DMWD: variants seen among roughly 807,000 people sequenced by gnomAD.
DMWD encodes DM1 locus, WD repeat containing.
DMWD carries 19 observed loss-of-function variants against 45.8 expected under a neutral mutation model. That is an observed-to-expected ratio of 0.41 (90% CI 0.29 to 0.61). DMWD has a LOEUF of 0.61. Ranked by LOEUF, DMWD falls within the 20% of genes least tolerant of loss-of-function variation. The pLI, the probability that DMWD is intolerant of heterozygous loss-of-function variation, is 0.25. For missense variants in DMWD, 802 were observed against 965.2 expected (o/e 0.83, Z 2.24); for synonymous variants, 515 against 440.5 (o/e 1.17, Z -2.12).
chr19:45,784,068 A>G lies in DMWD; in HGVS notation c.*175T>C. The G allele has an allele frequency of 1.5e-6, 1 of 660,532 alleles. No individual in the cohort carries two copies. The highest frequency in any genetic ancestry group is 2.7e-6 in the Non-Finnish European group (1 of 369,994). The allele number at this position is 660,532 out of a possible 1,614,324, so 40.9% of individuals were successfully genotyped here. A position where few individuals can be genotyped will look rare whatever the true frequency, so the allele number is the denominator to read the frequency against. On this transcript the variant is annotated 3_prime_UTR_variant, in exon 5 of 5. Transcript: ENST00000270223. ...AGGCTGAGGCCACAAGGGCTATTAC[A>G]TCGCCCGTGTCCGGGCCAGTCTGGG...
rs1224876695 is a variant in DMWD, at chr19:45,792,592, C to T, written c.165G>A (p.Pro55=). ...SGPASAQTPV[P]PQPPQPPPGP... The stretch of plus-strand genomic sequence containing the variant: ...CGGGCGGGGGCTGCGGTGGCTGAGG[C>T]GGCACCGGAGTCTGGGCGGAAGCCG... The change falls in exon 1 of 5, where the codon CCG becomes CCA. Residue 55 remains proline (P), a synonymous_variant. Transcript: ENST00000270223. The T allele has an allele frequency of 8.5e-6, 11 of 1,298,288 alleles. No homozygotes were observed. Among genetic ancestry groups the T allele is most frequent in the Non-Finnish European group, 1.1e-5 (11 of 1,006,698 alleles). 80.4% of individuals were successfully genotyped at this position (1,298,288 alleles called of 1,614,324 possible).
In DMWD at chr19:45,786,081, G is replaced by A; in HGVS notation, c.1415C>T (p.Ala472Val). 6.6e-6 allele frequency: 10 copies of A among 1,517,758 alleles called. No individual in the cohort carries two copies. The highest frequency in any genetic ancestry group is 8.8e-6 in the Non-Finnish European group (10 of 1,131,512). The allele number at this position is 1,517,758 out of a possible 1,614,324, so 94.0% of individuals were successfully genotyped here. A position where few individuals can be genotyped will look rare whatever the true frequency, so the allele number is the denominator to read the frequency against. Residue 472 changes from alanine to valine, a missense_variant, in exon 3 of 5, where the codon GCC becomes GTC. By Grantham distance (64) the Ala-to-Val change is moderately conservative. Transcript: ENST00000270223. ...CTCGCCACCCCTCGAGCTGCTGGCG[G>A]CCGGTGGCGTGGTGCCAGGTGTGCC... Reference protein sequence around the residue: ...LPGTPGTTPPAASSSRGGEPG... With the variant: ...LPGTPGTTPPVASSSRGGEPG...
In DMWD at chr19:45,785,894, C is replaced by G; in HGVS notation, c.1602G>C (p.Arg534=). The change falls in exon 3 of 5, where the codon CGG becomes CGC. Residue 534 remains arginine, a synonymous_variant. Transcript: ENST00000270223. ...AGCGCTTGTGCTCCTTCTCTGCCCC[C>G]CGGTCCCGCCGCTCCTGCAGTGTGA... is the stretch of plus-strand genomic sequence containing the variant. ...ATLTLQERRD[R]GAEKEHKRYH... is the part of the protein sequence containing the mutation. The G allele has an allele frequency of 6.2e-7, 1 of 1,604,114 alleles. No homozygotes were observed. The highest frequency in any genetic ancestry group is 8.5e-7 in the Non-Finnish European group (1 of 1,179,520).
At position 45,792,753 on chromosome 19, in the gene DMWD, C is replaced by G. The variant is rs987778003; in HGVS notation, c.4G>C (p.Ala2Pro). 2.8e-5 allele frequency: 32 copies of G among 1,131,922 alleles called. 1 individual carries two copies. The Admixed American group carries it at 1.5e-3, about 53-fold the overall frequency. The allele number at this position is 1,131,922 out of a possible 1,614,324, so 70.1% of individuals were successfully genotyped here. ...GAGCCGCCCTCCGCGCCGCCCGCCGCCATCTTGGGCGCCCCCCGGGCCCCG... is the reference window on the plus strand; with the variant it reads ...GAGCCGCCCTCCGCGCCGCCCGCCGGCATCTTGGGCGCCCCCCGGGCCCCG... M[A>P]AGGAEGGSGP... The change falls in exon 1 of 5, where the codon GCG (alanine) becomes CCG (proline). Residue 2 changes from alanine to proline, a missense_variant. Transcript: ENST00000270223.
rs1169901910 is a variant in DMWD at position 45,783,369 on chromosome 19, C to T, written c.*874G>A. 4 of 389,658 alleles carry T rather than the reference C, an allele frequency of 1.0e-5. No individual in the cohort carries two copies. Among genetic ancestry groups the T allele is most frequent in the Non-Finnish European group, 1.8e-5 (4 of 220,956 alleles). The allele number at this position is 389,658 out of a possible 1,614,324, so 24.1% of individuals were successfully genotyped here. A position where few individuals can be genotyped will look rare whatever the true frequency, so the allele number is the denominator to read the frequency against. ...GTGCCTGGGCCTTGAGAGGGCCAGG[C>T]CTGAGAAACTAGGAGGCAAGGACCG... On this transcript the variant is annotated 3_prime_UTR_variant, in exon 5 of 5. Coordinates refer to ENST00000270223, the MANE Select transcript of DMWD (RefSeq NM_004943.2).
chr19:45,785,115 C>A, intron 3 of DMWD: 1 of 1,003,298 alleles, frequency 1.0e-6, no homozygotes, highest in Non-Finnish European at 1.2e-6. Context: ...GGAACCCAGG[C>A]CTGGGATTCC....
Position 45,792,617 on chromosome 19 carries a change from G to A in DMWD, c.140C>T (p.Pro47Leu), listed in dbSNP as rs1163441805. The change falls in exon 1 of 5, where the codon CCG (proline) becomes CTG (leucine). Residue 47 changes from proline (P) to leucine (L), a missense_variant. Around this residue, in one of 9 missense-constraint regions of DMWD, gnomAD observed 151 missense variants for 128.1 expected, o/e 1.18. Coordinates refer to ENST00000270223, the MANE Select transcript of DMWD (RefSeq NM_004943.2). ...PGDGAARRSG[P>L]ASAQTPVPPQ... ...CGGCACCGGAGTCTGGGCGGAAGCC[G>A]GACCCGACCTGCGAGCGGCGCCGTC... 2 of 1,327,656 alleles carry A rather than the reference G, an allele frequency of 1.5e-6. No homozygotes were observed. The highest frequency in any genetic ancestry group is 9.8e-7 in the Non-Finnish European group (1 of 1,022,808). The allele number at this position is 1,327,656 out of a possible 1,614,324, so 82.2% of individuals were successfully genotyped here.
In DMWD at chr19:45,786,220, A is replaced by G. The variant is rs1402230305; in HGVS notation, c.1276T>C (p.Ser426Pro). ...GCCGAGCCAAAGCGGTAAGTAATGG[A>G]GCCAGCCTTGGGCAGTGGAGAGAGC... ...APLSPLPKAG[S>P]ITYRFGSAGQ... The change falls in exon 3 of 5, where the codon TCC becomes CCC. Residue 426 changes from serine to proline, a missense_variant. By Grantham distance (74) the Ser-to-Pro change is moderately conservative. Coordinates refer to ENST00000270223, the MANE Select transcript of DMWD (RefSeq NM_004943.2). 6.2e-7 allele frequency: 1 copy of G among 1,611,352 alleles called. No individual in the cohort carries two copies. The highest frequency in any genetic ancestry group is 1.3e-5 in the African/African-American group (1 of 74,872).
At chr19:45,784,516 T>C (rs1970242287) in intron 4 of DMWD, 125 bp downstream of exon 4, 6 of 1,492,050 alleles carry the variant, frequency 4.0e-6, no homozygotes, top group East Asian at 2.3e-5. Context: ...ATCAAAGTCC[T>C]TGGCGGATCC....
At chr19:45,787,949 G>A (rs764562840) in intron 2 of DMWD, among the ~76,000 whole-genome samples, 14 of 152,104 alleles carry the variant, frequency 9.2e-5, no homozygotes, top group Admixed American at 2.6e-4. Context: ...GCATGGTGGC[G>A]GGCGCCTATA....
chr19:45,783,335 C>T lies in DMWD; in HGVS notation c.*908G>A, dbSNP rs528297745. The T allele has an allele frequency of 3.0e-4, 114 of 378,344 alleles. No homozygotes were observed. The East Asian group carries it at 4.1e-3, about 14-fold the overall frequency. 23.4% of individuals were successfully genotyped at this position (378,344 alleles called of 1,614,324 possible). A position where few individuals can be genotyped will look rare whatever the true frequency, so the allele number is the denominator to read the frequency against. On this transcript the variant is annotated 3_prime_UTR_variant, in exon 5 of 5. Transcript: ENST00000270223. ...CAGAGTGGAAGTCGGGGCCTCCAAC[C>T]GGCCTGGGGTGCCTGGGCCTTGAGA...
At position 45,785,589 on chromosome 19, in the gene DMWD, C is replaced by A; in HGVS notation, c.1902+5G>T. 6.8e-7 allele frequency: 1 copy of A among 1,479,204 alleles called. No homozygotes were observed. The highest frequency in any genetic ancestry group is 1.4e-5 in the South Asian group (1 of 71,440). 91.6% of individuals were successfully genotyped at this position (1,479,204 alleles called of 1,614,324 possible). A position where few individuals can be genotyped will look rare whatever the true frequency, so the allele number is the denominator to read the frequency against. On this transcript the variant is annotated splice_donor_5th_base_variant and intron_variant, in intron 3 of 4. Coordinates refer to ENST00000270223, the MANE Select transcript of DMWD (RefSeq NM_004943.2). ...TCCCCGGCAGGCTGGTGTGGGGCCA[C>A]TCACCGCCTTGCCCGGCCGGGCCCA...
At position 45,786,823 on chromosome 19, in the gene DMWD, A is replaced by G. The variant is rs1970285689; in HGVS notation, c.673T>C (p.Ser225Pro). ...KVTYLKWLPESESLFLASHAS... is the reference protein window; with the variant it reads ...KVTYLKWLPEPESLFLASHAS... ...TGTGATGCCAGGAACAGGCTCTCCG[A>G]CTCAGGCAGCCACTTCAGATATGTC... is the stretch of plus-strand genomic sequence containing the variant. The change falls in exon 3 of 5, where the codon TCG (serine) becomes CCG (proline). Residue 225 changes from serine to proline, a missense_variant. Ser to Pro is a moderately conservative substitution (Grantham distance 74). Transcript: ENST00000270223. 1 of 1,613,804 alleles carries G rather than the reference A, an allele frequency of 6.2e-7. No homozygotes were observed. The highest frequency in any genetic ancestry group is 8.5e-7 in the Non-Finnish European group (1 of 1,179,998).
Position 45,792,499 on chromosome 19 carries a change from T to C in DMWD, c.258A>G (p.Gly86=), listed in dbSNP as rs1308327495. The part of the protein sequence containing the change: ...PASSPPPAGP[G]PGPALPAVRL... ...GCACGGCGGGCAGGGCGGGCCCGGGTCCGGGGCCTGCGGGCGGCGGGGACG... is the reference window on the plus strand; with the variant it reads ...GCACGGCGGGCAGGGCGGGCCCGGGCCCGGGGCCTGCGGGCGGCGGGGACG... Residue 86 remains glycine, a synonymous_variant, in exon 1 of 5, where the codon GGA becomes GGG. Coordinates refer to ENST00000270223, the MANE Select transcript of DMWD (RefSeq NM_004943.2). The C allele has an allele frequency of 2.6e-6, 3 of 1,167,082 alleles. No homozygotes were observed. The highest frequency in any genetic ancestry group is 3.2e-6 in the Non-Finnish European group (3 of 941,952). 72.3% of individuals were successfully genotyped at this position (1,167,082 alleles called of 1,614,324 possible).
chr19:45,792,816 C>A lies in DMWD; in HGVS notation c.-60G>T. ...TGCCGCCCGCAGCCGGGCCCCCTCC[C>A]GGAAGCCGCTGGCCCGCGCCGGAAA... On this transcript the variant is annotated 5_prime_UTR_variant, in exon 1 of 5. Transcript: ENST00000270223. 9.3e-7 allele frequency: 1 copy of A among 1,076,804 alleles called. No homozygotes were observed. Among genetic ancestry groups the A allele is most frequent in the South Asian group, 4.4e-5 (1 of 22,804 alleles). The allele number at this position is 1,076,804 out of a possible 1,614,324, so 66.7% of individuals were successfully genotyped here.
rs1419186420 is a variant in DMWD at position 45,785,604 on chromosome 19, G to A, written c.1892C>T (p.Pro631Leu). ...TGTGGGGCCACTCACCGCCTTGCCCGGCCGGGCCCAGGTGCAGATGAGGCC... is the reference window on the plus strand; with the variant it reads ...TGTGGGGCCACTCACCGCCTTGCCCAGCCGGGCCCAGGTGCAGATGAGGCC... ...QEGLICTWARPGKAFTDEETE... is the reference protein window; with the variant it reads ...QEGLICTWARLGKAFTDEETE... Residue 631 changes from proline (P) to leucine (L), a missense_variant, in exon 3 of 5, where the codon CCG (proline) becomes CTG (leucine). By Grantham distance (98) the Pro-to-Leu change is moderately conservative. Around this residue, in one of 9 missense-constraint regions of DMWD, gnomAD observed 303 missense variants for 332.9 expected, o/e 0.91. Coordinates refer to ENST00000270223, the MANE Select transcript of DMWD (RefSeq NM_004943.2). 3 of 1,491,634 alleles carry A rather than the reference G, an allele frequency of 2.0e-6. No homozygotes were observed. Among genetic ancestry groups the A allele is most frequent in the South Asian group, 1.4e-5 (1 of 73,160 alleles). The allele number at this position is 1,491,634 out of a possible 1,614,324, so 92.4% of individuals were successfully genotyped here.
In DMWD at chr19:45,783,670, G is replaced by A; in HGVS notation, c.*573C>T. 1 of 406,138 alleles carries A rather than the reference G, an allele frequency of 2.5e-6. No homozygotes were observed. Among genetic ancestry groups the A allele is most frequent in the East Asian group, 3.6e-5 (1 of 28,092 alleles). 25.2% of individuals were successfully genotyped at this position (406,138 alleles called of 1,614,324 possible). On this transcript the variant is annotated 3_prime_UTR_variant, in exon 5 of 5. Transcript: ENST00000270223. ...TCCTCTGGGGAAAGCGGACTGCCTA[G>A]AACCACAGAGTACACACACAGGTCC...
Position 45,783,551 on chromosome 19 carries a change from G to A in DMWD, c.*692C>T. 1 of 398,624 alleles carries A rather than the reference G, an allele frequency of 2.5e-6. No homozygotes were observed. Among genetic ancestry groups the A allele is most frequent in the Non-Finnish European group, 4.4e-6 (1 of 226,102 alleles). 24.7% of individuals were successfully genotyped at this position (398,624 alleles called of 1,614,324 possible). On this transcript the variant is annotated 3_prime_UTR_variant, in exon 5 of 5. Transcript: ENST00000270223. ...CAGCCGCTGGTGTGGGTCACCAGTT[G>A]TGTGACTCGCAGGTCCGTTCCCTCC...
rs1326070828 is a variant in DMWD at position 45,792,714 on chromosome 19, C to G, written c.43G>C (p.Ala15Pro). 21 of 1,218,082 alleles carry G rather than the reference C, an allele frequency of 1.7e-5. No homozygotes were observed. The highest frequency in any genetic ancestry group is 2.4e-4 in the Middle Eastern group (1 of 4,222). 75.5% of individuals were successfully genotyped at this position (1,218,082 alleles called of 1,614,324 possible). The change falls in exon 1 of 5, where the codon GCC (alanine) becomes CCC (proline). Residue 15 changes from alanine to proline, a missense_variant. Around this residue, in one of 9 missense-constraint regions of DMWD, gnomAD observed 151 missense variants for 128.1 expected, o/e 1.18. Transcript: ENST00000270223. ...TTAATCTCCGCGCAGTCCCCCATGG[C>G]GGCGCCGGGGCCCGAGCCGCCCTCC... ...GAEGGSGPGA[A>P]MGDCAEIKSQ... is the part of the protein sequence containing the mutation.
Sources: gnomAD v4.1 joint callset for allele counts (sites outside exome capture counted in the v4.1 genomes callset) on GRCh38, gnomAD v4.1.1 for gene constraint, gnomAD v4.1.1 regional missense constraint, MANE v1.5 for transcripts, NCBI Gene and HGNC (gene_info 2026-07-23, HGNC 2026-07-21) for gene names.